The following GFM2 variants were observed in gnomAD, a reference collection of about 807,000 sequenced individuals.
The protein encoded by GFM2 is GTP dependent ribosome recycling factor mitochondrial 2.
A neutral mutation model predicts 95.4 loss-of-function variants in GFM2; 72 were observed. The ratio of observed to expected loss-of-function variants is 0.76; its 90% CI spans 0.62 to 0.92. The LOEUF is 0.92. GFM2 is among the 40% of genes least tolerant of loss of function. The pLI, the probability that GFM2 is intolerant of heterozygous loss-of-function variation, is 0.00. For synonymous variants in GFM2, 276 were observed against 317.5 expected (o/e 0.87, Z 1.39); for missense variants, 825 against 924.1 (o/e 0.89, Z 1.39).
chr5:74,760,562 A>G (rs1200667323), intron 3 of GFM2, among the ~76,000 whole-genome samples: 1 of 152,232 alleles, frequency 6.6e-6, no homozygotes, highest in Non-Finnish European at 1.5e-5. Context: ...CTCTCTTGAC[A>G]GAAAACACTT....
At chr5:74,740,226 G>A in intron 11 of GFM2, 89 bp from the exon 12 acceptor site, 1 of 1,067,916 alleles carries the variant, frequency 9.4e-7, no homozygotes, top group Non-Finnish European at 1.4e-6. Context: ...AACCAGCCAT[G>A]TAACCAGCAC....
At chr5:74,725,826 G>A in intron 18 of GFM2, 71 bp from the exon 19 acceptor site, 1 of 1,431,572 alleles carries the variant, frequency 7.0e-7, no homozygotes, top group Non-Finnish European at 9.8e-7. Flanking sequence ...AAGTGCAAAG[G>A]AATAGGGAGA....
intron 1 of GFM2, among the ~76,000 whole-genome samples, chr5:74,764,027 T>C (rs1026667491): frequency 6.6e-6 from 1 of 152,204 alleles, no homozygotes; most frequent in African/African-American, 2.4e-5. Flanking sequence ...GGCGATACAG[T>C]AGAAATCAAC....
intron 1 of GFM2, among the ~76,000 whole-genome samples, chr5:74,764,604 A>G (rs184203523): frequency 1.3e-5 from 2 of 151,924 alleles, no homozygotes; most frequent in Non-Finnish European, 2.9e-5. Flanking sequence ...AAGATTAGAC[A>G]CCCCTGTGTT....
In GFM2 at chr5:74,725,953, C is replaced by A; in HGVS notation, c.1900G>T (p.Ala634Ser). ...TTGAGTGTCTTACCTTGGAGACATG[C>A]GCTGTGAATTCCATTTTCAATGGCC... ...QEAIENGIHS[A>S]CLQGPLLGSP... Residue 634 changes from alanine (A) to serine (S), a missense_variant, in exon 18 of 21, where the codon GCA becomes TCA. Physicochemically the swap from Ala to Ser is moderately conservative, Grantham distance 99. Coordinates refer to ENST00000296805, the MANE Select transcript of GFM2 (RefSeq NM_032380.5). The A allele has an allele frequency of 6.2e-7, 1 of 1,609,522 alleles. No individual in the cohort carries two copies. Among genetic ancestry groups the A allele is most frequent in the Non-Finnish European group, 8.5e-7 (1 of 1,178,262 alleles).
intron 5 of GFM2, among the ~76,000 whole-genome samples, chr5:74,752,424 C>T (rs61373898): frequency 0.024 from 3,675 of 152,118 alleles, 154 homozygotes; most frequent in African/African-American, 0.084. Flanking sequence ...TATGTATACA[C>T]ACACATAGTC....
intron 5 of GFM2, among the ~76,000 whole-genome samples, chr5:74,754,648 G>A (rs527377580): frequency 2.0e-5 from 3 of 152,212 alleles, no homozygotes; most frequent in South Asian, 2.1e-4. Flanking sequence ...AAGACTAGTC[G>A]AACAGGAAAA....
At chr5:74,731,783 A>C (rs1473303619) in intron 16 of GFM2, among the ~76,000 whole-genome samples, 3 of 152,230 alleles carry the variant, frequency 2.0e-5, no homozygotes, top group African/African-American at 7.2e-5. Context: ...AGCACAGCAG[A>C]AGAACATATG....
At chr5:74,734,894 C>T (rs1315999787) in intron 15 of GFM2, among the ~76,000 whole-genome samples, 1 of 152,166 alleles carries the variant, frequency 6.6e-6, no homozygotes, top group Non-Finnish European at 1.5e-5. Flanking sequence ...GGATACCACA[C>T]TTTTTCTCCT....
intron 5 of GFM2, among the ~76,000 whole-genome samples, chr5:74,754,253 A>C (rs1743862332): frequency 6.6e-6 from 1 of 151,976 alleles, no homozygotes; most frequent in Admixed American, 6.6e-5. Context: ...ACACCAAAAT[A>C]GAACCTCCTT....
chr5:74,745,101 C>T (rs1053975553), intron 10 of GFM2, among the ~76,000 whole-genome samples: 8 of 152,098 alleles, frequency 5.3e-5, no homozygotes, highest in East Asian at 1.9e-4. Context: ...CACTTTGGGA[C>T]GCTGAGGTGG....
At chr5:74,751,541 T>C in intron 5 of GFM2, 48 bp from the exon 6 acceptor site, 1 of 1,431,028 alleles carries the variant, frequency 7.0e-7, no homozygotes, top group Non-Finnish European at 9.8e-7. Flanking sequence ...GCAAGTGTAT[T>C]TTATTCGTGC....
At chr5:74,763,514 T>C (rs1467219632) in intron 2 of GFM2, among the ~76,000 whole-genome samples, 166 bp downstream of exon 2, 1 of 152,244 alleles carries the variant, frequency 6.6e-6, no homozygotes, top group African/African-American at 2.4e-5. Flanking sequence ...CTTATATTTC[T>C]TAATAAATTA....
rs954338281 is a variant in GFM2 at position 74,760,830 on chromosome 5, C to A, written c.148+72G>T. On this transcript the variant is annotated intron_variant, in intron 3 of 20. Transcript: ENST00000296805. ...TTACAGAGCCCTAATAAGGGAGATT[C>A]TTGCAAACAAGAGAGAGAAAAGAGA... 34 of 1,002,596 alleles carry A rather than the reference C, an allele frequency of 3.4e-5. 1 individual carries two copies. Among genetic ancestry groups the A allele is most frequent in the Non-Finnish European group, 4.5e-5 (29 of 648,218 alleles). The allele number at this position is 1,002,596 out of a possible 1,614,324, so 62.1% of individuals were successfully genotyped here. A position where few individuals can be genotyped will look rare whatever the true frequency, so the allele number is the denominator to read the frequency against.
At chr5:74,722,637 A>G in intron 19 of GFM2, 76 bp from the exon 20 acceptor site, 1 of 1,187,154 alleles carries the variant, frequency 8.4e-7, no homozygotes, top group Non-Finnish European at 1.2e-6. Flanking sequence ...AGCTCATACA[A>G]AAAGACATAA....
chr5:74,731,661 TAAA>T (rs1742566794), intron 16 of GFM2, among the ~76,000 whole-genome samples: 1 of 152,306 alleles, frequency 6.6e-6, no homozygotes, highest in South Asian at 2.1e-4. Context: ...TACTTTAAGT[TAAA>T]AAGTGAACTA....
At chr5:74,729,502 GTTATT>G (rs1257828929) in intron 17 of GFM2, among the ~76,000 whole-genome samples, 1 of 152,152 alleles carries the variant, frequency 6.6e-6, no homozygotes, top group Non-Finnish European at 1.5e-5. Flanking sequence ...ATTAAAAGTT[GTTATT>G]TTGAGTTCTC....
chr5:74,731,033 G>A (rs553780834), intron 16 of GFM2, among the ~76,000 whole-genome samples: 4 of 152,146 alleles, frequency 2.6e-5, no homozygotes, highest in South Asian at 2.1e-4. Context: ...GGCTGGTCTC[G>A]AACTCGTGAC....
intron 15 of GFM2, among the ~76,000 whole-genome samples, chr5:74,735,762 G>A (rs1279975321): frequency 6.6e-6 from 1 of 152,150 alleles, no homozygotes; most frequent in African/African-American, 2.4e-5. Context: ...AGGTACTATA[G>A]TTTTATTCTA....
Sources: gnomAD v4.1 joint callset for allele counts (sites outside exome capture counted in the v4.1 genomes callset) on GRCh38, gnomAD v4.1.1 for gene constraint, MANE v1.5 for transcripts, NCBI Gene and HGNC (gene_info 2026-07-23, HGNC 2026-07-21) for gene names.